RGS7: variants seen among roughly 807,000 people sequenced by gnomAD.
RGS7 encodes regulator of G-protein signaling 7.
In RGS7, 27 loss-of-function variants were observed where a neutral mutation model predicts 81.1. That is an observed-to-expected ratio of 0.33 (90% CI 0.25 to 0.46). RGS7 has a LOEUF of 0.46. Among genes scored for constraint, RGS7 ranks in the 20% least tolerant of loss-of-function variants. The pLI is 1.00. For synonymous variants in RGS7, 208 were observed against 207.7 expected (o/e 1.00, Z -0.01); for missense variants, 396 against 607.4 (o/e 0.65, Z 3.66).
chr1:241,340,601 T>C (rs1265765910), intron 2 of RGS7, among the ~76,000 whole-genome samples: 1 of 152,192 alleles, frequency 6.6e-6, no homozygotes, highest in Admixed American at 6.5e-5. Flanking sequence ...TTAGTATTTT[T>C]CTTAATTACG....
At chr1:240,894,261 A>G (rs779267527) in intron 6 of RGS7, among the ~76,000 whole-genome samples, 1 of 152,084 alleles carries the variant, frequency 6.6e-6, no homozygotes, top group Non-Finnish European at 1.5e-5. Context: ...GGGGAGGTGC[A>G]TCTATTGGCA....
At position 241,079,099 on chromosome 1, in the gene RGS7, A is replaced by AG. The variant is rs774577285; in HGVS notation, c.175+19566dup. Among the ~76,000 whole-genome samples the AG allele has an allele frequency of 4.6e-5, 7 of 152,330 alleles. No individual in the cohort carries two copies. In the South Asian group the frequency reaches 6.2e-4, roughly 14 times the overall value. ...CTTCATCCTGAAATGCGTCTAAGCT[A>AG]GTAACAGACAGCAAAACCGAGTTCC... On this transcript the variant is annotated intron_variant, in intron 3 of 18. Coordinates refer to ENST00000440928, the MANE Select transcript of RGS7 (RefSeq NM_001364886.1).
chr1:241,189,282 T>C (rs2103356111), intron 2 of RGS7, among the ~76,000 whole-genome samples: 1 of 152,380 alleles, frequency 6.6e-6, no homozygotes, highest in South Asian at 2.1e-4. Flanking sequence ...CCCTAGGTGT[T>C]GGACATCTTT....
At chr1:240,849,839 A>T (rs918153740) in intron 9 of RGS7, among the ~76,000 whole-genome samples, 3 of 152,216 alleles carry the variant, frequency 2.0e-5, no homozygotes, top group African/African-American at 7.2e-5. Flanking sequence ...TTTTCTTTAT[A>T]AAGTATCCAG....
rs560627254 is a variant in RGS7, at chr1:241,213,265, C to T, written c.79-114503G>A. 2.0e-4 allele frequency among the ~76,000 whole-genome samples: 30 copies of T among 152,300 alleles called. No homozygotes were observed. The South Asian group carries it at 5.6e-3, about 28-fold the overall frequency. ...TGGCAGTAGCACAGCATATGAAACA[C>T]CTTCTGCTCTAGTCATTACTTTATG... On this transcript the variant is annotated intron_variant, in intron 2 of 18. Transcript: ENST00000440928.
chr1:241,099,886 G>A (rs565595671), intron 2 of RGS7, among the ~76,000 whole-genome samples: 4 of 152,272 alleles, frequency 2.6e-5, no homozygotes, highest in African/African-American at 7.2e-5. Context: ...ATGTAGTTTA[G>A]CTAATAGTGT....
chr1:241,348,505 G>C (rs1156809819), intron 2 of RGS7, among the ~76,000 whole-genome samples: 2 of 152,212 alleles, frequency 1.3e-5, no homozygotes, highest in Non-Finnish European at 2.9e-5. Context: ...TGGATTTATT[G>C]ACAGAGAAAG....
At chr1:240,901,465 A>T (rs1670001266) in intron 6 of RGS7, among the ~76,000 whole-genome samples, 1 of 152,176 alleles carries the variant, frequency 6.6e-6, no homozygotes, top group Admixed American at 6.5e-5. Flanking sequence ...AGTCTCAGGT[A>T]TTTACAGCAA....
chr1:241,273,516 T>C (rs2078038338), intron 2 of RGS7, among the ~76,000 whole-genome samples: 1 of 152,146 alleles, frequency 6.6e-6, no homozygotes, highest in Non-Finnish European at 1.5e-5. Flanking sequence ...GTTTGCTTGG[T>C]TTTGGTCTAG....
At chr1:240,975,253 T>G (rs1249747027) in intron 4 of RGS7, among the ~76,000 whole-genome samples, 1 of 151,940 alleles carries the variant, frequency 6.6e-6, no homozygotes, top group Non-Finnish European at 1.5e-5. Flanking sequence ...AATATAAAAA[T>G]TAGCTGGGCG....
intron 2 of RGS7, among the ~76,000 whole-genome samples, chr1:241,304,176 T>C (rs2079941620): frequency 6.6e-6 from 1 of 152,224 alleles, no homozygotes; most frequent in African/African-American, 2.4e-5. Context: ...AGTCATTCTC[T>C]ATTCTCCCTG....
intron 9 of RGS7, among the ~76,000 whole-genome samples, chr1:240,829,380 G>T (rs1193901866): frequency 1.3e-5 from 2 of 152,228 alleles, no homozygotes; most frequent in Admixed American, 6.5e-5. Context: ...TGCTGAGTAT[G>T]TGATATTGTG....
chr1:241,260,350 C>T (rs533366974), intron 2 of RGS7, among the ~76,000 whole-genome samples: 3 of 152,354 alleles, frequency 2.0e-5, no homozygotes, highest in Admixed American at 6.5e-5. Flanking sequence ...AATACCTGCT[C>T]AGTGGCTGAA....
Position 240,813,665 on chromosome 1 carries a change from A to G in RGS7, c.909T>C (p.Ser303=). ...TGGTGTCATCGGACAGCCATGGGTT[A>G]GAAGGGTCAGGTGGCAAAAGAAACG... The part of the protein sequence containing the change: ...YDPFLLPPDP[S]NPWLSDDTTF... The change falls in exon 13 of 19, where the codon TCT becomes TCC. Residue 303 remains serine, a synonymous_variant. Transcript: ENST00000440928. 6.2e-7 allele frequency: 1 copy of G among 1,614,012 alleles called. No individual in the cohort carries two copies. Among genetic ancestry groups the G allele is most frequent in the Non-Finnish European group, 8.5e-7 (1 of 1,179,840 alleles).
chr1:240,780,053 C>G (rs893571488), intron 18 of RGS7, among the ~76,000 whole-genome samples: 1 of 152,138 alleles, frequency 6.6e-6, no homozygotes, highest in African/African-American at 2.4e-5. Context: ...AAATACAATG[C>G]CATTTCCTGT....
chr1:241,315,098 C>CTTTTT (rs2080787063), intron 2 of RGS7, among the ~76,000 whole-genome samples: 1 of 66,350 alleles, frequency 1.5e-5, no homozygotes, highest in Non-Finnish European at 3.0e-5. Flanking sequence ...TTTTTTTTTT[C>CTTTTT]TTCTTCTTCT....
chr1:241,355,134 T>C (rs2083476419), intron 2 of RGS7, among the ~76,000 whole-genome samples: 1 of 152,068 alleles, frequency 6.6e-6, no homozygotes, highest in African/African-American at 2.4e-5. Context: ...CACTAGAATA[T>C]AAATACCCAT....
rs78815820 is a variant in RGS7, at chr1:241,339,331, T to C, written c.78+16368A>G. ...GATTCCATGTCTTTGCTACTGTGAA[T>C]AGGCCTTGCATATAATAATTATTCA... On this transcript the variant is annotated intron_variant, in intron 2 of 18. Transcript: ENST00000440928. Among the ~76,000 whole-genome samples the C allele has an allele frequency of 6.8e-4, 104 of 152,350 alleles. 5 individuals are homozygous for C. The East Asian group carries it at 0.02, about 29-fold the overall frequency.
chr1:240,783,284 T>C (rs1440695620), intron 18 of RGS7, among the ~76,000 whole-genome samples: 1 of 152,150 alleles, frequency 6.6e-6, no homozygotes, highest in African/African-American at 2.4e-5. Context: ...CCTTAACTTT[T>C]CCAAGTGAGC....
Sources: gnomAD v4.1 joint callset for allele counts (sites outside exome capture counted in the v4.1 genomes callset) on GRCh38, gnomAD v4.1.1 for gene constraint, MANE v1.5 for transcripts, NCBI Gene and HGNC (gene_info 2026-07-23, HGNC 2026-07-21) for gene names.